The following RNF217 variants were observed in gnomAD, a reference collection of about 807,000 sequenced individuals.
RNF217 encodes the protein E3 ubiquitin-protein ligase RNF217.
RNF217 carries 31 observed loss-of-function variants against 57.8 expected under a neutral mutation model. The observed-to-expected ratio is 0.54, with a 90% CI of 0.40 to 0.72. The LOEUF (loss-of-function observed/expected upper bound fraction) is 0.72. Among genes scored for constraint, RNF217 ranks in the 30% least tolerant of loss-of-function variants. RNF217 has a pLI of 0.00. For synonymous variants in RNF217, 313 were observed against 294.0 expected (o/e 1.06, Z -0.66); for missense variants, 696 against 708.3 (o/e 0.98, Z 0.20).
intron 1 of RNF217, among the ~76,000 whole-genome samples, chr6:125,041,462 C>A (rs757501753): frequency 4.6e-5 from 7 of 152,086 alleles, no homozygotes; most frequent in African/African-American, 9.7e-5. Context: ...CCATGGCCAA[C>A]AAGGCCCATG....
In RNF217 at chr6:125,088,084, G is replaced by A. The variant is rs1007200378; in HGVS notation, c.*5147G>A. On this transcript the variant is annotated 3_prime_UTR_variant, in exon 6 of 6. Transcript: ENST00000521654. ...TGCCCAGGCTGGTCTCAAACTCTTGGGCTCAAGCGATCCTCCCTCCTCTGC... is the reference window on the plus strand; with the variant it reads ...TGCCCAGGCTGGTCTCAAACTCTTGAGCTCAAGCGATCCTCCCTCCTCTGC... The A allele has an allele frequency of 1.4e-5, 2 of 148,136 alleles. No individual in the cohort carries two copies. The highest frequency in any genetic ancestry group is 3.0e-5 in the Non-Finnish European group (2 of 67,400). The allele number at this position is 148,136 out of a possible 1,614,324, so 9.2% of individuals were successfully genotyped here. A position where few individuals can be genotyped will look rare whatever the true frequency, so the allele number is the denominator to read the frequency against.
chr6:125,044,058 GTT>G (rs34890554), intron 1 of RNF217, among the ~76,000 whole-genome samples: 5 of 149,302 alleles, frequency 3.3e-5, no homozygotes, highest in East Asian at 2.0e-4. Flanking sequence ...TATGAATTTA[GTT>G]TTTTTTTTTA....
At position 125,087,787 on chromosome 6, in the gene RNF217, A is replaced by G. The variant is rs1788813075; in HGVS notation, c.*4850A>G. On this transcript the variant is annotated 3_prime_UTR_variant, in exon 6 of 6. Transcript: ENST00000521654. ...ATACTTAATAAGTGTTACCTAATAT[A>G]CCTAATTGGAATGTTTGTTTAAAAT... 1 of 151,980 alleles carries G rather than the reference A, an allele frequency of 6.6e-6. No individual in the cohort carries two copies. The highest frequency in any genetic ancestry group is 1.5e-5 in the Non-Finnish European group (1 of 67,968). The allele number at this position is 151,980 out of a possible 1,614,324, so 9.4% of individuals were successfully genotyped here.
chr6:125,078,424 G>A (rs1582783695), intron 4 of RNF217, among the ~76,000 whole-genome samples: 1 of 152,256 alleles, frequency 6.6e-6, no homozygotes, highest in East Asian at 1.9e-4. Context: ...TTTAAATAGA[G>A]AAGTCATTTA....
intron 1 of RNF217, among the ~76,000 whole-genome samples, chr6:125,006,806 G>A (rs569961433): frequency 5.9e-5 from 9 of 152,260 alleles, no homozygotes; most frequent in East Asian, 1.9e-4. Context: ...AAAATTAGCC[G>A]GGTGTGGTGG....
intron 1 of RNF217, among the ~76,000 whole-genome samples, chr6:125,021,512 A>G (rs4895620): frequency 0.68 from 102,958 of 151,984 alleles, 35,621 homozygotes; most frequent in Non-Finnish European, 0.75. Context: ...TGATCTACCC[A>G]CCTCGGCCTC....
intron 1 of RNF217, among the ~76,000 whole-genome samples, chr6:125,015,637 G>GTA (rs1455750889): frequency 6.6e-6 from 1 of 151,650 alleles, no homozygotes; most frequent in Non-Finnish European, 1.5e-5. Flanking sequence ...CATTATAATT[G>GTA]TATATATATT....
chr6:125,075,616 C>T (rs1055013307), intron 3 of RNF217, among the ~76,000 whole-genome samples: 1 of 152,090 alleles, frequency 6.6e-6, no homozygotes, highest in African/African-American at 2.4e-5. Context: ...GCCCTTGACA[C>T]GTGGGGATTG....
At chr6:125,033,217 A>C (rs1217320088) in intron 1 of RNF217, among the ~76,000 whole-genome samples, 3 of 148,588 alleles carry the variant, frequency 2.0e-5, no homozygotes, top group Admixed American at 2.0e-4. Context: ...TTTTATACTT[A>C]AGTTTTAGGG....
intron 1 of RNF217, among the ~76,000 whole-genome samples, chr6:125,024,166 G>A (rs1336692516): frequency 6.6e-6 from 1 of 152,186 alleles, no homozygotes; most frequent in African/African-American, 2.4e-5. Flanking sequence ...GAGATCAAAA[G>A]ATGTAAATGA....
Position 125,062,796 on chromosome 6 carries a change from G to A in RNF217, c.1281+4690G>A, listed in dbSNP as rs78278280. 3.2e-3 allele frequency among the ~76,000 whole-genome samples: 491 copies of A among 152,172 alleles called. 5 individuals carry two copies. The highest frequency in any genetic ancestry group is 0.011 in the African/African-American group (468 of 41,524). ...TTCACCACGTTGACCAGCTTATCTC[G>A]AACTCCTGATCTCAGGTGATCCGCC... is the stretch of plus-strand genomic sequence containing the variant. On this transcript the variant is annotated intron_variant, in intron 3 of 5. Coordinates refer to ENST00000521654, the MANE Select transcript of RNF217 (RefSeq NM_001286398.3).
intron 4 of RNF217, among the ~76,000 whole-genome samples, chr6:125,078,594 G>C: frequency 6.6e-6 from 1 of 152,038 alleles, no homozygotes; most frequent in Non-Finnish European, 1.5e-5. Flanking sequence ...CCACTCCCTT[G>C]ATAACTAACA....
At chr6:125,040,917 T>C (rs1384139746) in intron 1 of RNF217, among the ~76,000 whole-genome samples, 1 of 152,120 alleles carries the variant, frequency 6.6e-6, no homozygotes, top group African/African-American at 2.4e-5. Flanking sequence ...TAACTCTCAA[T>C]AAATTAGGTA....
intron 1 of RNF217, among the ~76,000 whole-genome samples, chr6:125,013,446 GACCTGA>G (rs1785492943): frequency 6.6e-6 from 1 of 150,918 alleles, no homozygotes; most frequent in Non-Finnish European, 1.5e-5. Flanking sequence ...GTTCATAAGA[GACCTGA>G]ATGATGCAAG....
intron 1 of RNF217, among the ~76,000 whole-genome samples, chr6:125,037,088 A>C (rs1187110586): frequency 2.7e-5 from 4 of 150,778 alleles, no homozygotes; most frequent in African/African-American, 9.7e-5. Context: ...AAAAAAAAAA[A>C]AAGTCCTGCC....
At position 125,087,303 on chromosome 6, in the gene RNF217, A is replaced by T. The variant is rs1295944209; in HGVS notation, c.*4366A>T. 1.3e-5 allele frequency: 2 copies of T among 151,814 alleles called. No individual in the cohort carries two copies. Among genetic ancestry groups the T allele is most frequent in the Non-Finnish European group, 3.0e-5 (2 of 67,780 alleles). The allele number at this position is 151,814 out of a possible 1,614,324, so 9.4% of individuals were successfully genotyped here. ...AAAAATAAGAAAATGTATGCCAAAAAACGTTTTTAGATTTTAATTTTATAA... is the reference window on the plus strand; with the variant it reads ...AAAAATAAGAAAATGTATGCCAAAATACGTTTTTAGATTTTAATTTTATAA... On this transcript the variant is annotated 3_prime_UTR_variant, in exon 6 of 6. Coordinates refer to ENST00000521654, the MANE Select transcript of RNF217 (RefSeq NM_001286398.3).
chr6:125,092,481 G>A lies in RNF217; in HGVS notation c.*9544G>A, dbSNP rs775033400. The A allele has an allele frequency of 2.0e-5, 3 of 152,100 alleles. No individual in the cohort carries two copies. The highest frequency in any genetic ancestry group is 6.5e-5 in the Admixed American group (1 of 15,270). 9.4% of individuals were successfully genotyped at this position (152,100 alleles called of 1,614,324 possible). Reference sequence around the variant, plus strand: ...TGGAAGAATATAAAGACACTCACTCGGATGAAAACTATAACGGTTTTCAAA... The same window carrying A: ...TGGAAGAATATAAAGACACTCACTCAGATGAAAACTATAACGGTTTTCAAA... On this transcript the variant is annotated 3_prime_UTR_variant, in exon 6 of 6. Coordinates refer to ENST00000521654, the MANE Select transcript of RNF217 (RefSeq NM_001286398.3).
chr6:125,001,048 TTTAC>T (rs1227205294), intron 1 of RNF217, among the ~76,000 whole-genome samples: 29 of 152,304 alleles, frequency 1.9e-4, no homozygotes, highest in African/African-American at 6.7e-4. Flanking sequence ...AAGATTATGT[TTTAC>T]TTATTGATTT....
chr6:125,073,009 T>C (rs1342241773), intron 3 of RNF217, among the ~76,000 whole-genome samples: 3 of 152,248 alleles, frequency 2.0e-5, no homozygotes, highest in African/African-American at 7.2e-5. Context: ...TAATAGGCTC[T>C]ACGCAAAAAT....
Sources: allele counts gnomAD v4.1 joint callset (sites outside exome capture counted in the v4.1 genomes callset), GRCh38; gene constraint gnomAD v4.1.1; transcripts MANE v1.5; gene names NCBI Gene and HGNC (gene_info 2026-07-23, HGNC 2026-07-21).